Variants in CD247 observed in about 807,000 individuals in gnomAD.
The protein encoded by CD247 is CD247 molecule, also known as T-cell surface glycoprotein CD3 zeta chain.
In CD247, 13 loss-of-function variants were observed where a neutral mutation model predicts 30.0. That is an observed-to-expected ratio of 0.43 (90% CI 0.28 to 0.69). The LOEUF (loss-of-function observed/expected upper bound fraction) is 0.69, where lower values mean the gene tolerates loss of function less well. Ranked by LOEUF, CD247 falls within the 30% of genes least tolerant of loss-of-function variation. The pLI is 0.16. For synonymous variants in CD247, 72 were observed against 80.0 expected (o/e 0.90, Z 0.53); for missense variants, 193 against 212.6 (o/e 0.91, Z 0.57).
At chr1:167,454,853 G>T (rs11579091) in intron 1 of CD247, among the ~76,000 whole-genome samples, 9,473 of 152,314 alleles carry the variant, frequency 0.062, 465 homozygotes, top group East Asian at 0.28. Flanking sequence ...CAGGAGGGCC[G>T]CACCTGCCTC....
intron 1 of CD247, among the ~76,000 whole-genome samples, chr1:167,468,634 CT>C: frequency 6.6e-6 from 1 of 152,214 alleles, no homozygotes; most frequent in South Asian, 2.1e-4. Context: ...CTCAGGTCAC[CT>C]GGCTCATCTC....
At chr1:167,515,549 T>G (rs1211492504) in intron 1 of CD247, among the ~76,000 whole-genome samples, 1 of 152,232 alleles carries the variant, frequency 6.6e-6, no homozygotes, top group East Asian at 1.9e-4. Context: ...TTCAGACATG[T>G]TTTTACTTCG....
intron 1 of CD247, among the ~76,000 whole-genome samples, chr1:167,465,622 C>T (rs917915768): frequency 9.2e-5 from 14 of 152,190 alleles, no homozygotes; most frequent in African/African-American, 3.4e-4. Flanking sequence ...TGAGCCACCG[C>T]ACCCAGCCCC....
At chr1:167,455,732 A>C (rs1159855589) in intron 1 of CD247, among the ~76,000 whole-genome samples, 1 of 152,050 alleles carries the variant, frequency 6.6e-6, no homozygotes, top group East Asian at 1.9e-4. Flanking sequence ...GCGCTGAGAG[A>C]CCAGGGCGTG....
At chr1:167,441,773 G>A (rs1225436741) in intron 1 of CD247, among the ~76,000 whole-genome samples, 2 of 152,232 alleles carry the variant, frequency 1.3e-5, no homozygotes, top group African/African-American at 2.4e-5. Context: ...GAGTACAATG[G>A]GCTGAAGAAT....
chr1:167,503,208 A>G (rs1274696063), intron 1 of CD247, among the ~76,000 whole-genome samples: 1 of 152,164 alleles, frequency 6.6e-6, no homozygotes, highest in Non-Finnish European at 1.5e-5. Flanking sequence ...CGACTTTAGG[A>G]GGTCCCCCTG....
Position 167,438,668 on chromosome 1 carries a change from G to A in CD247, c.220-18C>T. 1.3e-6 allele frequency: 2 copies of A among 1,598,866 alleles called. No individual in the cohort carries two copies. The highest frequency in any genetic ancestry group is 1.1e-5 in the South Asian group (1 of 90,822). On this transcript the variant is annotated intron_variant, in intron 3 of 7. Coordinates refer to ENST00000362089, the MANE Select transcript of CD247 (RefSeq NM_198053.3). ...TTGAGCTCCTATAACAGATAAGAAAGTGTCAGACACAGGACGGAGGAACCT... is the reference window on the plus strand; with the variant it reads ...TTGAGCTCCTATAACAGATAAGAAAATGTCAGACACAGGACGGAGGAACCT...
At chr1:167,453,781 C>A (rs1256507658) in intron 1 of CD247, among the ~76,000 whole-genome samples, 2 of 152,014 alleles carry the variant, frequency 1.3e-5, no homozygotes, top group Non-Finnish European at 2.9e-5. Flanking sequence ...ATAGCAAGAC[C>A]CGTCTCTGCA....
chr1:167,431,983 T>C (rs1651292930), intron 7 of CD247, among the ~76,000 whole-genome samples: 1 of 152,226 alleles, frequency 6.6e-6, no homozygotes, highest in African/African-American at 2.4e-5. Flanking sequence ...CCTTTCCAGC[T>C]AAATTCTCAC....
At chr1:167,509,392 A>ATT (rs1558033925) in intron 1 of CD247, among the ~76,000 whole-genome samples, 5 of 150,288 alleles carry the variant, frequency 3.3e-5, no homozygotes, top group African/African-American at 1.2e-4. Flanking sequence ...AAAAAAAAAG[A>ATT]AAAGAAAAGA....
chr1:167,432,941 C>A, intron 7 of CD247, 83 bp downstream of exon 7: 2 of 1,491,198 alleles, frequency 1.3e-6, no homozygotes, highest in Non-Finnish European at 1.9e-6. Flanking sequence ...GCTGGTGCCA[C>A]CAGCAGGCAA....
chr1:167,433,099 T>A (rs778667596), intron 6 of CD247, 40 bp from the exon 7 acceptor site: 3 of 1,610,234 alleles, frequency 1.9e-6, no homozygotes, highest in Non-Finnish European at 2.5e-6. Flanking sequence ...GATTAGAAAG[T>A]CAGGCAGTCA....
intron 1 of CD247, among the ~76,000 whole-genome samples, chr1:167,493,798 G>A (rs191106583): frequency 6.6e-6 from 1 of 152,290 alleles, no homozygotes; most frequent in Non-Finnish European, 1.5e-5. Flanking sequence ...CAAGAAGCTG[G>A]CCTCCTAATT....
rs1652196238 is a variant in CD247 at position 167,448,490 on chromosome 1, G to A, written c.59-7723C>T. 9.1e-6 allele frequency: 9 copies of A among 985,250 alleles called. No individual in the cohort carries two copies. The South Asian group carries it at 4.2e-4, about 46-fold the overall frequency. The allele number at this position is 985,250 out of a possible 1,614,324, so 61.0% of individuals were successfully genotyped here. A position where few individuals can be genotyped will look rare whatever the true frequency, so the allele number is the denominator to read the frequency against. On this transcript the variant is annotated intron_variant, in intron 1 of 7. Transcript: ENST00000362089. ...TCATTGAGGGCTGAGAGGCCGGCCT[G>A]GGGGGTTGACAGATACAGAAGGCCT... is the stretch of plus-strand genomic sequence containing the variant.
intron 1 of CD247, among the ~76,000 whole-genome samples, chr1:167,516,596 G>A (rs754676732): frequency 3.3e-5 from 5 of 152,194 alleles, no homozygotes; most frequent in Non-Finnish European, 5.9e-5. Flanking sequence ...AGCCCTCGGT[G>A]TCAAGGCCTC....
In CD247 at chr1:167,482,497, T is replaced by C. The variant is rs368220829; in HGVS notation, c.58+35911A>G. On this transcript the variant is annotated intron_variant, in intron 1 of 7. Coordinates refer to ENST00000362089, the MANE Select transcript of CD247 (RefSeq NM_198053.3). ...GTGTCTTCCAAACACACTTCTGCAC[T>C]AAGAGTTGCCACTCCCTTCCTTTCT... Among the ~76,000 whole-genome samples the C allele has an allele frequency of 3.3e-4, 50 of 152,310 alleles. 1 individual carries two copies. The South Asian group carries it at 9.3e-3, about 28-fold the overall frequency.
At chr1:167,486,011 G>A (rs933810848) in intron 1 of CD247, among the ~76,000 whole-genome samples, 1 of 152,048 alleles carries the variant, frequency 6.6e-6, no homozygotes, top group African/African-American at 2.4e-5. Flanking sequence ...TCCTTCCACG[G>A]CCCCCACTGC....
At chr1:167,452,130 CAGG>C (rs1448970621) in intron 1 of CD247, among the ~76,000 whole-genome samples, 3 of 152,202 alleles carry the variant, frequency 2.0e-5, no homozygotes, top group Admixed American at 6.5e-5. Flanking sequence ...AAGGCTAAGG[CAGG>C]AGAATTGCTT....
intron 1 of CD247, among the ~76,000 whole-genome samples, chr1:167,472,938 T>C (rs1345733278): frequency 6.6e-6 from 1 of 152,190 alleles, no homozygotes; most frequent in East Asian, 1.9e-4. Flanking sequence ...AGTGAACATT[T>C]GCTAGTGTGT....
Sources: gnomAD v4.1 joint callset for allele counts (sites outside exome capture counted in the v4.1 genomes callset) on GRCh38, gnomAD v4.1.1 for gene constraint, MANE v1.5 for transcripts, NCBI Gene and HGNC (gene_info 2026-07-23, HGNC 2026-07-21) for gene names.